The following ESPNL variants were observed in gnomAD, a reference collection of about 807,000 sequenced individuals.
ESPNL encodes the protein espin-like protein.
In ESPNL, 49 loss-of-function variants were observed where a neutral mutation model predicts 46.8. The observed-to-expected ratio is 1.05, with a 90% CI of 0.83 to 1.33. The LOEUF (loss-of-function observed/expected upper bound fraction) is 1.33, where lower values mean the gene tolerates loss of function less well. ESPNL is among the 40% of genes most tolerant of loss of function. ESPNL has a pLI of 0.00. For synonymous variants in ESPNL, 664 were observed against 662.1 expected (o/e 1.00, Z -0.04); for missense variants, 1,540 against 1,436.6 (o/e 1.07, Z -1.16).
At chr2:238,111,134 C>A (rs1003782940) in intron 4 of ESPNL, among the ~76,000 whole-genome samples, 1 of 151,856 alleles carries the variant, frequency 6.6e-6, no homozygotes, top group African/African-American at 2.4e-5. Context: ...ACCATGTTGG[C>A]CAGGCTGGTC....
intron 5 of ESPNL, among the ~76,000 whole-genome samples, chr2:238,119,513 GTGGAGGAGGGGAGA>G (rs1691935219): frequency 7.4e-6 from 1 of 135,862 alleles, no homozygotes; most frequent in South Asian, 2.5e-4. Flanking sequence ...GAGGAGGTGG[GTGGAGGAGGGGAGA>G]TGGAGGAGGT....
At chr2:238,109,441 C>T (rs754343957) in intron 4 of ESPNL, among the ~76,000 whole-genome samples, 1 of 152,234 alleles carries the variant, frequency 6.6e-6, no homozygotes, top group Non-Finnish European at 1.5e-5. Flanking sequence ...ACCTCTAACT[C>T]CTAGGCTCAA....
chr2:238,124,556 CGTGTGTGCAGGAGAGTACGTGTGT>C (rs1319843828), intron 5 of ESPNL, among the ~76,000 whole-genome samples: 1 of 151,254 alleles, frequency 6.6e-6, no homozygotes, highest in African/African-American at 2.4e-5. Flanking sequence ...AGTGTACGTG[CGTGTGTGCAGGAGAGTACGTGTGT>C]GTGTGTGCAG....
At chr2:238,109,913 A>G (rs56273916) in intron 4 of ESPNL, among the ~76,000 whole-genome samples, 2 of 136,074 alleles carry the variant, frequency 1.5e-5, no homozygotes, top group Non-Finnish European at 3.1e-5. Flanking sequence ...CCCATTTAGG[A>G]TGCCACACGT....
rs926588646 is a variant in ESPNL at position 238,119,784 on chromosome 2, A to G, written c.987+2750A>G. Among the ~76,000 whole-genome samples, 3 of 152,016 alleles carry G rather than the reference A, an allele frequency of 2.0e-5. No individual in the cohort carries two copies. In the East Asian group the frequency reaches 5.8e-4, roughly 29 times the overall value. Reference sequence around the variant, plus strand: ...GGTGTCATCGCCCTCCACCCCCCAAACCCTTTGTCTCCCCAAGGGGTTGCT... The same window carrying G: ...GGTGTCATCGCCCTCCACCCCCCAAGCCCTTTGTCTCCCCAAGGGGTTGCT... On this transcript the variant is annotated intron_variant, in intron 5 of 8. Transcript: ENST00000343063.
chr2:238,122,678 T>C (rs866894090), intron 5 of ESPNL, among the ~76,000 whole-genome samples: 1 of 152,210 alleles, frequency 6.6e-6, no homozygotes, highest in Non-Finnish European at 1.5e-5. Context: ...CCCTCTCCAC[T>C]GACAGCAGGT....
intron 5 of ESPNL, among the ~76,000 whole-genome samples, chr2:238,122,286 C>T (rs942265244): frequency 5.3e-5 from 8 of 152,248 alleles, no homozygotes; most frequent in African/African-American, 1.9e-4. Context: ...GCCGGAGAAA[C>T]GCCACAGCCA....
At chr2:238,117,343 C>G (rs1227823967) in intron 5 of ESPNL, among the ~76,000 whole-genome samples, 4 of 152,224 alleles carry the variant, frequency 2.6e-5, no homozygotes, top group African/African-American at 9.6e-5. Flanking sequence ...GTGACAGGGC[C>G]TGGGGCCATG....
intron 4 of ESPNL, among the ~76,000 whole-genome samples, chr2:238,112,726 C>T (rs1048293124): frequency 6.6e-6 from 1 of 152,094 alleles, no homozygotes; most frequent in African/African-American, 2.4e-5. Flanking sequence ...CATTTTGATT[C>T]TTATTTGCTC....
rs544254100 is a variant in ESPNL, at chr2:238,129,341, G to A, written c.1413+437G>A. The A allele has an allele frequency of 1.5e-5, 12 of 796,254 alleles. No homozygotes were observed. In the Admixed American group the frequency reaches 1.7e-4, roughly 11 times the overall value. 49.3% of individuals were successfully genotyped at this position (796,254 alleles called of 1,614,324 possible). A position where few individuals can be genotyped will look rare whatever the true frequency, so the allele number is the denominator to read the frequency against. On this transcript the variant is annotated intron_variant, in intron 8 of 8. Coordinates refer to ENST00000343063, the MANE Select transcript of ESPNL (RefSeq NM_194312.4). ...GGGCCCCCTCTGGGGACGTGGCCTT[G>A]AGCAGGGGCCAGAGGGAAGAGAGGG... is the stretch of plus-strand genomic sequence containing the variant.
chr2:238,124,598 T>A (rs1356760438), intron 5 of ESPNL, among the ~76,000 whole-genome samples: 1 of 150,430 alleles, frequency 6.6e-6, no homozygotes, highest in Middle Eastern at 3.4e-3. Context: ...CAGGAGAGTG[T>A]ACGTGTGTGT....
rs1238788574 is a variant in ESPNL at position 238,100,452 on chromosome 2, G to A, written c.33G>A (p.Lys11=). The A allele has an allele frequency of 1.2e-6, 2 of 1,605,048 alleles. No homozygotes were observed. The highest frequency in any genetic ancestry group is 1.7e-6 in the Non-Finnish European group (2 of 1,177,850). ...AGCAGCGGGCACTCGTGGCCGCCAAGGATGGGGATGTGGCGACGTTGGAGC... is the reference window on the plus strand; with the variant it reads ...AGCAGCGGGCACTCGTGGCCGCCAAAGATGGGGATGTGGCGACGTTGGAGC... MEKQRALVAA[K]DGDVATLERL... Residue 11 remains lysine (K), a synonymous_variant, in exon 1 of 9, where the codon AAG becomes AAA. Coordinates refer to ENST00000343063, the MANE Select transcript of ESPNL (RefSeq NM_194312.4).
Position 238,114,664 on chromosome 2 carries a change from G to A in ESPNL, c.856-2239G>A, listed in dbSNP as rs960648743. Among the ~76,000 whole-genome samples the A allele has an allele frequency of 3.3e-5, 5 of 152,220 alleles. No homozygotes were observed. Among genetic ancestry groups the A allele is most frequent in the Non-Finnish European group, 5.9e-5 (4 of 68,036 alleles). On this transcript the variant is annotated intron_variant, in intron 4 of 8. Transcript: ENST00000343063. This position sits in a 1 kb window ranked among gnomAD's most constrained non-coding sequence, Gnocchi z 5.0. ...TGGTTCAAGCCTCCCAGCAGCCCCC[G>A]GGGAAGGGGTGTGCGCACGCCTGAT...
intron 3 of ESPNL, 62 bp from the exon 4 acceptor site, chr2:238,107,729 C>T: frequency 6.8e-7 from 1 of 1,475,508 alleles, no homozygotes; most frequent in Non-Finnish European, 9.1e-7. Flanking sequence ...CTCCAAGCCC[C>T]TCCCACTCTG....
intron 5 of ESPNL, among the ~76,000 whole-genome samples, chr2:238,122,613 C>G (rs1692012897): frequency 3.9e-5 from 6 of 152,220 alleles, no homozygotes; most frequent in Admixed American, 3.9e-4. Context: ...TTGTCTTCCC[C>G]AGCATAAGAG....
rs116486304 is a variant in ESPNL at position 238,114,101 on chromosome 2, C to T, written c.856-2802C>T. On this transcript the variant is annotated intron_variant, in intron 4 of 8. Transcript: ENST00000343063. The surrounding 1 kb of genome is among the most constrained non-coding windows in gnomAD (Gnocchi z 5.0). Reference sequence around the variant, plus strand: ...CTCCTCCCTGGAGTGGATCCATCTGCTCACCTGCTTTTCCACTGCTGTGGC... The same window carrying T: ...CTCCTCCCTGGAGTGGATCCATCTGTTCACCTGCTTTTCCACTGCTGTGGC... Among the ~76,000 whole-genome samples the T allele has an allele frequency of 0.012, 1,757 of 152,306 alleles. 36 individuals are homozygous for T. The highest frequency in any genetic ancestry group is 0.04 in the African/African-American group (1,676 of 41,548).
intron 1 of ESPNL, 38 bp downstream of exon 1, chr2:238,100,751 G>T: frequency 7.2e-7 from 1 of 1,393,048 alleles, no homozygotes; most frequent in Middle Eastern, 2.7e-4. Flanking sequence ...CACGAAGCTG[G>T]CTGGGGTGGA....
chr2:238,103,163 C>T (rs572166261), intron 2 of ESPNL, among the ~76,000 whole-genome samples: 10 of 152,356 alleles, frequency 6.6e-5, no homozygotes, highest in African/African-American at 1.9e-4. Flanking sequence ...TGGCTCATGC[C>T]TGTAATCCCA....
Position 238,100,449 on chromosome 2 carries a change from C to A in ESPNL, c.30C>A (p.Ala10=). 1 of 1,604,522 alleles carries A rather than the reference C, an allele frequency of 6.2e-7. No homozygotes were observed. Among genetic ancestry groups the A allele is most frequent in the Non-Finnish European group, 8.5e-7 (1 of 1,177,646 alleles). The change falls in exon 1 of 9, where the codon GCC becomes GCA. Residue 10 remains alanine, a synonymous_variant. Coordinates refer to ENST00000343063, the MANE Select transcript of ESPNL (RefSeq NM_194312.4). ...AGAAGCAGCGGGCACTCGTGGCCGC[C>A]AAGGATGGGGATGTGGCGACGTTGG... MEKQRALVA[A]KDGDVATLER...
Sources: gnomAD v4.1 joint callset for allele counts (sites outside exome capture counted in the v4.1 genomes callset) on GRCh38, gnomAD v4.1.1 for gene constraint, Gnocchi (gnomAD v3.1) non-coding constraint, MANE v1.5 for transcripts, NCBI Gene and HGNC (gene_info 2026-07-23, HGNC 2026-07-21) for gene names.